The following CHKA variants were observed in gnomAD, a reference collection of about 807,000 sequenced individuals.
The protein encoded by CHKA is choline kinase alpha, also known as CHETK-alpha.
A neutral mutation model predicts 60.1 loss-of-function variants in CHKA; 34 were observed. The observed-to-expected ratio is 0.57, with a 90% CI of 0.43 to 0.75. CHKA has a LOEUF of 0.75. Ranked by LOEUF, CHKA falls within the 30% of genes least tolerant of loss-of-function variation. CHKA has a pLI of 0.00. For synonymous variants in CHKA, 217 were observed against 223.1 expected (o/e 0.97, Z 0.24); for missense variants, 563 against 561.3 (o/e 1.00, Z -0.03).
At chr11:68,117,811 C>T (rs902205677) in intron 1 of CHKA, among the ~76,000 whole-genome samples, 1 of 152,188 alleles carries the variant, frequency 6.6e-6, no homozygotes, top group South Asian at 2.1e-4. Flanking sequence ...TTAGAAGGAA[C>T]ACACAAAATG....
At chr11:68,066,625 T>C in intron 7 of CHKA, 109 bp from the exon 8 acceptor site, 2 of 863,100 alleles carry the variant, frequency 2.3e-6, no homozygotes, top group Non-Finnish European at 3.8e-6. Flanking sequence ...CCTAACTGAA[T>C]GTGGCTTTTG....
chr11:68,057,649 T>C (rs1856073654), intron 11 of CHKA, among the ~76,000 whole-genome samples: 1 of 152,202 alleles, frequency 6.6e-6, no homozygotes, highest in South Asian at 2.1e-4. Context: ...TTGTGTTTTC[T>C]CATAGAAACT....
In CHKA at chr11:68,069,264, G is replaced by A. The variant is rs3763944; in HGVS notation, c.870-327C>T. 7.0e-4 allele frequency among the ~76,000 whole-genome samples: 107 copies of A among 152,060 alleles called. 3 individuals are homozygous for A. In the East Asian group the frequency reaches 0.019, roughly 27 times the overall value. On this transcript the variant is annotated intron_variant, in intron 6 of 11. Coordinates refer to ENST00000265689, the MANE Select transcript of CHKA (RefSeq NM_001277.3). Reference sequence around the variant, plus strand: ...AGCAGGTCCTCCTATGCAGACTAAGGGCCTACTTTGATCTGTTTCTGTCAC... The same window carrying A: ...AGCAGGTCCTCCTATGCAGACTAAGAGCCTACTTTGATCTGTTTCTGTCAC...
intron 1 of CHKA, among the ~76,000 whole-genome samples, chr11:68,110,068 C>A (rs989194499): frequency 6.6e-6 from 1 of 152,178 alleles, no homozygotes; most frequent in Non-Finnish European, 1.5e-5. Flanking sequence ...CAAAATCCAA[C>A]ACCCACTCAT....
In CHKA at chr11:68,095,733, A is replaced by C. The variant is rs372121503; in HGVS notation, c.462+1286T>G. ...CAAAAAAAAAAAAAAAAAAAAAAAA[A>C]ACAACAGGTATCAAAATCCTACCAC... On this transcript the variant is annotated intron_variant, in intron 2 of 11. Transcript: ENST00000265689. 1.4e-3 allele frequency among the ~76,000 whole-genome samples: 181 copies of C among 133,500 alleles called. 1 individual carries two copies. The highest frequency in any genetic ancestry group is 3.8e-3 in the Middle Eastern group (1 of 262). The allele number at this position is 133,500 out of a possible 152,430, so 87.6% of individuals were successfully genotyped here. A position where few individuals can be genotyped will look rare whatever the true frequency, so the allele number is the denominator to read the frequency against.
chr11:68,079,392 C>T (rs896155865), intron 3 of CHKA, among the ~76,000 whole-genome samples: 2 of 150,332 alleles, frequency 1.3e-5, no homozygotes, highest in African/African-American at 4.9e-5. Context: ...TGCACTGGCA[C>T]GATCTCGGCT....
In CHKA at chr11:68,074,752, T is replaced by C. The variant is rs775704119; in HGVS notation, c.595A>G (p.Ile199Val). The C allele has an allele frequency of 1.2e-6, 2 of 1,614,220 alleles. No individual in the cohort carries two copies. Among genetic ancestry groups the C allele is most frequent in the Non-Finnish European group, 1.7e-6 (2 of 1,180,050 alleles). Reference protein sequence around the residue: ...ERSLGPKLYGIFPQGRLEQFI... With the variant: ...ERSLGPKLYGVFPQGRLEQFI... Reference sequence around the variant, plus strand: ...TGCTCCAGTCGGCCTTGGGGAAAGATGCCATAGAGTTTTGGCCCAAGTGAC... The same window carrying C: ...TGCTCCAGTCGGCCTTGGGGAAAGACGCCATAGAGTTTTGGCCCAAGTGAC... The change falls in exon 4 of 12, where the codon ATC becomes GTC. Residue 199 changes from isoleucine (I) to valine (V), a missense_variant. By Grantham distance (29) the Ile-to-Val change is conservative (BLOSUM62 3). Transcript: ENST00000265689.
chr11:68,085,276 T>C lies in CHKA; in HGVS notation c.463-3819A>G, dbSNP rs113875189. Among the ~76,000 whole-genome samples, 1,018 of 152,094 alleles carry C rather than the reference T, an allele frequency of 6.7e-3. 17 individuals are homozygous for C. The highest frequency in any genetic ancestry group is 0.023 in the African/African-American group (944 of 41,494). ...TCTCGCTCTGTCTCTCAGGTTGGAG[T>C]GCAGTGGCAGGAATAGGGCTCACTG... On this transcript the variant is annotated intron_variant, in intron 2 of 11. Transcript: ENST00000265689.
At chr11:68,093,660 A>G (rs1001823352) in intron 2 of CHKA, among the ~76,000 whole-genome samples, 2 of 152,230 alleles carry the variant, frequency 1.3e-5, no homozygotes, top group Admixed American at 6.5e-5. Flanking sequence ...CCAGACTGCT[A>G]AAATTTCAAA....
At chr11:68,076,330 A>G (rs1165242343) in intron 3 of CHKA, among the ~76,000 whole-genome samples, 5 of 152,254 alleles carry the variant, frequency 3.3e-5, no homozygotes, top group African/African-American at 1.2e-4. Flanking sequence ...TTAGAGAATG[A>G]AAACAAAGAT....
intron 11 of CHKA, among the ~76,000 whole-genome samples, chr11:68,056,121 G>A (rs1325065380): frequency 6.6e-6 from 1 of 152,194 alleles, no homozygotes; most frequent in Non-Finnish European, 1.5e-5. Context: ...CTAAATATGA[G>A]TCCTTTATTA....
At chr11:68,083,704 T>A (rs1212086181) in intron 2 of CHKA, among the ~76,000 whole-genome samples, 1 of 152,122 alleles carries the variant, frequency 6.6e-6, no homozygotes, top group African/African-American at 2.4e-5. Flanking sequence ...AAATCCATGA[T>A]AATCTCCCCT....
intron 9 of CHKA, among the ~76,000 whole-genome samples, chr11:68,064,835 T>A: frequency 6.6e-6 from 1 of 152,172 alleles, no homozygotes; most frequent in Non-Finnish European, 1.5e-5. Flanking sequence ...GGATTTCTAG[T>A]GGAGATACAG....
In CHKA at chr11:68,121,043, G is replaced by T; in HGVS notation, c.135C>A (p.Ser45=). The stretch of plus-strand genomic sequence containing the variant: ...GCGGCTGTTGGCCGCCCAGCTGCTT[G>T]GACTCGAGGTCGCTGGCGGCGTCGC... ...QQRDAASDLE[S]KQLGGQQPPL... is the part of the protein sequence containing the mutation. The change falls in exon 1 of 12, where the codon TCC becomes TCA. Residue 45 remains serine (S), a synonymous_variant. Coordinates refer to ENST00000265689, the MANE Select transcript of CHKA (RefSeq NM_001277.3). The T allele has an allele frequency of 9.0e-7, 1 of 1,111,386 alleles. No homozygotes were observed. The highest frequency in any genetic ancestry group is 5.0e-5 in the East Asian group (1 of 19,880). The allele number at this position is 1,111,386 out of a possible 1,614,324, so 68.8% of individuals were successfully genotyped here.
chr11:68,076,201 C>T (rs112772206), intron 3 of CHKA, among the ~76,000 whole-genome samples: 6 of 152,280 alleles, frequency 3.9e-5, no homozygotes, highest in African/African-American at 1.2e-4. Context: ...TCTTGTGAGG[C>T]TCAATCTTTC....
intron 1 of CHKA, among the ~76,000 whole-genome samples, chr11:68,098,842 T>C (rs1246919845): frequency 6.6e-6 from 1 of 151,198 alleles, no homozygotes; most frequent in Non-Finnish European, 1.5e-5. Context: ...TACAGGTGTA[T>C]GCCAGCATGC....
intron 11 of CHKA, 130 bp downstream of exon 11, chr11:68,061,822 AT>A (rs1228291770): frequency 2.7e-6 from 2 of 729,748 alleles, no homozygotes; most frequent in East Asian, 5.7e-5. Flanking sequence ...AGGTCACCAC[AT>A]TCGGGTACTT....
intron 4 of CHKA, 50 bp downstream of exon 4, chr11:68,074,667 A>ATCT: frequency 6.6e-7 from 1 of 1,518,106 alleles, no homozygotes; most frequent in Non-Finnish European, 9.2e-7. Flanking sequence ...CAAAGAAGCC[A>ATCT]TCTTCTGTCT....
chr11:68,087,530 G>A (rs1857218930), intron 2 of CHKA, among the ~76,000 whole-genome samples: 1 of 151,876 alleles, frequency 6.6e-6, no homozygotes, highest in Non-Finnish European at 1.5e-5. Flanking sequence ...TAGGTACTAT[G>A]TTAAATATAA....
Sources: allele counts gnomAD v4.1 joint callset (sites outside exome capture counted in the v4.1 genomes callset), GRCh38; gene constraint gnomAD v4.1.1; transcripts MANE v1.5; gene names NCBI Gene and HGNC (gene_info 2026-07-23, HGNC 2026-07-21).